Variants in ADCY5 observed in about 807,000 individuals in gnomAD.
ADCY5 encodes the protein adenylate cyclase 5.
In ADCY5, 30 loss-of-function variants were observed where a neutral mutation model predicts 119.7. The ratio of observed to expected loss-of-function variants is 0.25; its 90% confidence interval spans 0.19 to 0.34. The LOEUF (loss-of-function observed/expected upper bound fraction) is 0.34, where lower values mean the gene tolerates loss of function less well. ADCY5 is among the 10% of genes least tolerant of loss of function. ADCY5 has a pLI of 1.00. For missense variants in ADCY5, 1,324 were observed against 1,775.2 expected (o/e 0.75, Z 4.57); for synonymous variants, 753 against 762.2 (o/e 0.99, Z 0.20).
chr3:123,284,732 G>C lies in ADCY5; in HGVS notation c.3662C>G (p.Thr1221Ser), dbSNP rs766192723. 6.2e-7 allele frequency: 1 copy of C among 1,614,236 alleles called. No homozygotes were observed. The highest frequency in any genetic ancestry group is 8.5e-7 in the Non-Finnish European group (1 of 1,180,044). ...STGVPDRIQV[T>S]TDMYQVLAAN... ...AGCCAGCACCTGGTACATGTCTGTG[G>C]TGACCTGTGGGGGAACAGGAGGAGA... The change falls in exon 21 of 21, where the codon ACC (threonine) becomes AGC (serine). Residue 1221 changes from threonine (T) to serine (S), a missense_variant. Thr to Ser is a moderately conservative substitution (Grantham distance 58). Around this residue, in one of 6 missense-constraint regions of ADCY5, gnomAD observed 178 missense variants for 329.6 expected, o/e 0.54. Coordinates refer to ENST00000462833, the MANE Select transcript of ADCY5 (RefSeq NM_183357.3).
chr3:123,427,774 A>G (rs1363985764), intron 1 of ADCY5, among the ~76,000 whole-genome samples: 1 of 152,236 alleles, frequency 6.6e-6, no homozygotes, highest in Non-Finnish European at 1.5e-5. Flanking sequence ...CTGAGTTAAC[A>G]GAAGTAATTA....
intron 1 of ADCY5, among the ~76,000 whole-genome samples, chr3:123,413,040 C>T (rs1055797642): frequency 8.5e-5 from 13 of 152,052 alleles, no homozygotes; most frequent in African/African-American, 2.9e-4. Flanking sequence ...ACGACCTCAC[C>T]GTCCTCAGCA....
chr3:123,355,297 T>C (rs573197820), intron 1 of ADCY5, among the ~76,000 whole-genome samples: 1 of 152,336 alleles, frequency 6.6e-6, no homozygotes, highest in South Asian at 2.1e-4. Context: ...AACCTACTTT[T>C]ATATATGAGT....
intron 3 of ADCY5, among the ~76,000 whole-genome samples, chr3:123,334,746 GAATA>G (rs955026138): frequency 8.6e-5 from 13 of 151,910 alleles, no homozygotes; most frequent in East Asian, 3.9e-4. Flanking sequence ...AAATAATAAT[GAATA>G]AATAAATAAA....
chr3:123,442,896 C>A (rs1226580944), intron 1 of ADCY5, among the ~76,000 whole-genome samples: 1 of 152,202 alleles, frequency 6.6e-6, no homozygotes, highest in African/African-American at 2.4e-5. Flanking sequence ...GAGAAGCAGA[C>A]CCTCCTCCAC....
chr3:123,380,521 G>A (rs56712020), intron 1 of ADCY5, among the ~76,000 whole-genome samples: 72,032 of 151,990 alleles, frequency 0.47, 17,832 homozygotes, highest in East Asian at 0.68. Context: ...TGCCCGGCAG[G>A]GCCACCCTCC....
intron 5 of ADCY5, among the ~76,000 whole-genome samples, chr3:123,329,420 A>G (rs1377630742): frequency 6.6e-6 from 1 of 152,116 alleles, no homozygotes; most frequent in Non-Finnish European, 1.5e-5. Flanking sequence ...ACATATCCAT[A>G]TCTGGGAGCT....
chr3:123,340,043 A>C (rs1210317331), intron 3 of ADCY5, among the ~76,000 whole-genome samples: 1 of 152,160 alleles, frequency 6.6e-6, no homozygotes, highest in Non-Finnish European at 1.5e-5. Context: ...TAATCCCAGC[A>C]CTTTGGGAGG....
intron 1 of ADCY5, among the ~76,000 whole-genome samples, chr3:123,410,984 A>ATACG (rs778480606): frequency 1.3e-5 from 2 of 152,130 alleles, no homozygotes; most frequent in Non-Finnish European, 2.9e-5. Flanking sequence ...CACCTACTGG[A>ATACG]TACGGCCTAA....
rs998335959 is a variant in ADCY5, at chr3:123,282,308, G to A, written c.*2300C>T. ...AGACCAGGACACATTACCAGTGAAAGTGTTTAATAGTTAAATTATTTAAAT... is the reference window on the plus strand; with the variant it reads ...AGACCAGGACACATTACCAGTGAAAATGTTTAATAGTTAAATTATTTAAAT... On this transcript the variant is annotated 3_prime_UTR_variant, in exon 21 of 21. Coordinates refer to ENST00000462833, the MANE Select transcript of ADCY5 (RefSeq NM_183357.3). 2.6e-5 allele frequency: 4 copies of A among 152,338 alleles called. No individual in the cohort carries two copies. Among genetic ancestry groups the A allele is most frequent in the Non-Finnish European group, 5.9e-5 (4 of 68,052 alleles). 9.4% of individuals were successfully genotyped at this position (152,338 alleles called of 1,614,324 possible). A position where few individuals can be genotyped will look rare whatever the true frequency, so the allele number is the denominator to read the frequency against.
At chr3:123,444,473 G>C (rs1945778226) in intron 1 of ADCY5, among the ~76,000 whole-genome samples, 1 of 152,100 alleles carries the variant, frequency 6.6e-6, no homozygotes, top group Non-Finnish European at 1.5e-5. Context: ...AGCCGAGGGG[G>C]AGGGTGACAA....
chr3:123,315,329 G>A (rs1940855851), intron 11 of ADCY5, among the ~76,000 whole-genome samples: 1 of 152,148 alleles, frequency 6.6e-6, no homozygotes, highest in Admixed American at 6.5e-5. Context: ...TTCTCTTCAG[G>A]GGAAAAGAAA....
chr3:123,401,418 A>T (rs1196632324), intron 1 of ADCY5, among the ~76,000 whole-genome samples: 2 of 152,200 alleles, frequency 1.3e-5, no homozygotes, highest in Non-Finnish European at 2.9e-5. Context: ...ACTTTAAAAA[A>T]TGAGAGGGAA....
chr3:123,337,331 C>T (rs1403958672), intron 3 of ADCY5, among the ~76,000 whole-genome samples: 1 of 152,220 alleles, frequency 6.6e-6, no homozygotes, highest in Non-Finnish European at 1.5e-5. Flanking sequence ...CTCTGCTCTG[C>T]ACCCTGCCTG....
At position 123,286,225 on chromosome 3, in the gene ADCY5, C is replaced by G. The variant is rs1040453422; in HGVS notation, c.3657+460G>C. ...AGGCCTCTGAGTCTGTGGCCAGGGC[C>G]CTTGGCTGCTGGGGCTGGGGGAGGT... On this transcript the variant is annotated intron_variant, in intron 20 of 20. Coordinates refer to ENST00000462833, the MANE Select transcript of ADCY5 (RefSeq NM_183357.3). The surrounding 1 kb of genome is among the most constrained non-coding windows in gnomAD (Gnocchi z 4.2). Among the ~76,000 whole-genome samples the G allele has an allele frequency of 1.3e-5, 2 of 152,168 alleles. No individual in the cohort carries two copies. The highest frequency in any genetic ancestry group is 4.8e-5 in the African/African-American group (2 of 41,436).
At chr3:123,313,627 G>A (rs916807289) in intron 12 of ADCY5, among the ~76,000 whole-genome samples, 3 of 152,186 alleles carry the variant, frequency 2.0e-5, no homozygotes, top group African/African-American at 4.8e-5. Flanking sequence ...GAGCCAGGTC[G>A]CATTGAGGGA....
rs1382999762 is a variant in ADCY5, at chr3:123,296,115, G to A, written c.3032C>T (p.Thr1011Ile). The change falls in exon 17 of 21, where the codon ACT (threonine) becomes ATT (isoleucine). Residue 1011 changes from threonine to isoleucine, a missense_variant. Transcript: ENST00000462833. Reference sequence around the variant, plus strand: ...TTTCCAGAGGAAGTCGAGGCGGGCAGTGGACTCCACCTGCTGGGCGTGCAG... The same window carrying A: ...TTTCCAGAGGAAGTCGAGGCGGGCAATGGACTCCACCTGCTGGGCGTGCAG... ...LYLHAQQVES[T>I]ARLDFLWKLQ... 1 of 1,613,998 alleles carries A rather than the reference G, an allele frequency of 6.2e-7. No homozygotes were observed. The highest frequency in any genetic ancestry group is 8.5e-7 in the Non-Finnish European group (1 of 1,180,000).
rs548541892 is a variant in ADCY5, at chr3:123,396,146, G to A, written c.1135-43565C>T. Among the ~76,000 whole-genome samples, 579 of 133,186 alleles carry A rather than the reference G, an allele frequency of 4.3e-3. 6 individuals carry two copies. The highest frequency in any genetic ancestry group is 7.4e-3 in the Non-Finnish European group (464 of 63,066). The allele number at this position is 133,186 out of a possible 152,430, so 87.4% of individuals were successfully genotyped here. A position where few individuals can be genotyped will look rare whatever the true frequency, so the allele number is the denominator to read the frequency against. ...AGGGCAAGAGAGGGAAAAAAGAAGAGAAAAGGGAAGAAAAGAAAAGAGAAG... is the reference window on the plus strand; with the variant it reads ...AGGGCAAGAGAGGGAAAAAAGAAGAAAAAAGGGAAGAAAAGAAAAGAGAAG... On this transcript the variant is annotated intron_variant, in intron 1 of 20. Coordinates refer to ENST00000462833, the MANE Select transcript of ADCY5 (RefSeq NM_183357.3).
rs934623420 is a variant in ADCY5, at chr3:123,286,993, G to A, written c.3533-184C>T. ...CTGCTCCTGTCAAATGCCTGTGAAT[G>A]CAAGACACAAGGAGCCTGCACCTGT... On this transcript the variant is annotated intron_variant, in intron 19 of 20. Coordinates refer to ENST00000462833, the MANE Select transcript of ADCY5 (RefSeq NM_183357.3). This position sits in a 1 kb window ranked among gnomAD's most constrained non-coding sequence, Gnocchi z 4.2. 3 of 780,332 alleles carry A rather than the reference G, an allele frequency of 3.8e-6. No homozygotes were observed. Among genetic ancestry groups the A allele is most frequent in the Admixed American group, 6.9e-5 (2 of 28,900 alleles). 48.3% of individuals were successfully genotyped at this position (780,332 alleles called of 1,614,324 possible).
Sources: gnomAD v4.1 joint callset for allele counts (sites outside exome capture counted in the v4.1 genomes callset) on GRCh38, gnomAD v4.1.1 for gene constraint, gnomAD v4.1.1 regional missense constraint, Gnocchi (gnomAD v3.1) non-coding constraint, MANE v1.5 for transcripts, NCBI Gene and HGNC (gene_info 2026-07-23, HGNC 2026-07-21) for gene names.